Variants in FAM184B observed in about 807,000 individuals in gnomAD.
FAM184B encodes protein FAM184B.
FAM184B carries 111 observed loss-of-function variants against 135.9 expected under a neutral mutation model. That is an observed-to-expected ratio of 0.82 (90% confidence interval 0.70 to 0.96). The LOEUF (loss-of-function observed/expected upper bound fraction) is 0.96. Among genes scored for constraint, FAM184B ranks in the 40% least tolerant of loss-of-function variants. The probability of loss-of-function intolerance (pLI) is 0.00; values close to 1 mark genes in which losing one functional copy is unlikely to be tolerated. For synonymous variants in FAM184B, 552 were observed against 524.8 expected, an observed-to-expected ratio of 1.05 and a Z score of -0.71; for missense variants, 1,375 against 1,323.9, an observed-to-expected ratio of 1.04 and a Z score of -0.60.
chr4:17,743,735 G>A (rs973922935), intron 1 of FAM184B, among the ~76,000 whole-genome samples: 1 of 152,208 alleles, frequency 6.6e-6, no homozygotes, highest in Non-Finnish European at 1.5e-5. Flanking sequence ...CAGTAGAAGA[G>A]GACTATTTTC....
chr4:17,721,256 C>T (rs1035284529), intron 1 of FAM184B, among the ~76,000 whole-genome samples: 3 of 151,560 alleles, frequency 2.0e-5, no homozygotes, highest in Non-Finnish European at 4.4e-5. Flanking sequence ...TAGTGGCGGA[C>T]GCCTGTAGTC....
At chr4:17,721,275 T>G (rs2108972387) in intron 1 of FAM184B, among the ~76,000 whole-genome samples, 1 of 149,330 alleles carries the variant, frequency 6.7e-6, no homozygotes. Flanking sequence ...TCCCAGCTAC[T>G]CAGGAGGCTG....
chr4:17,761,542 G>A (rs547512129), intron 1 of FAM184B, among the ~76,000 whole-genome samples: 1 of 152,136 alleles, frequency 6.6e-6, no homozygotes, highest in Admixed American at 6.5e-5. Context: ...GGCCACCAAT[G>A]GCCAACTATA....
At chr4:17,675,789 A>G (rs1477631797) in intron 7 of FAM184B, among the ~76,000 whole-genome samples, 4 of 152,090 alleles carry the variant, frequency 2.6e-5, no homozygotes, top group Non-Finnish European at 4.4e-5. Context: ...TCATGAAACA[A>G]CCTCTGCTAG....
chr4:17,764,711 T>A (rs959710446), intron 1 of FAM184B, among the ~76,000 whole-genome samples: 1 of 149,956 alleles, frequency 6.7e-6, no homozygotes, highest in Non-Finnish European at 1.5e-5. Flanking sequence ...AAAGTAAAGA[T>A]CCTTGATCAT....
At chr4:17,774,999 T>C (rs901150316) in intron 1 of FAM184B, among the ~76,000 whole-genome samples, 1 of 134,212 alleles carries the variant, frequency 7.5e-6, no homozygotes, top group African/African-American at 2.8e-5. Flanking sequence ...TTTCTTTTTT[T>C]TTTTTTTTTT....
chr4:17,702,659 G>A (rs770220278), intron 5 of FAM184B, among the ~76,000 whole-genome samples: 3 of 152,104 alleles, frequency 2.0e-5, no homozygotes, highest in South Asian at 2.1e-4. Flanking sequence ...TCTTGGAAAC[G>A]AACAAAATGT....
chr4:17,715,632 A>C (rs928663559), intron 1 of FAM184B, among the ~76,000 whole-genome samples: 3 of 152,240 alleles, frequency 2.0e-5, no homozygotes, highest in Non-Finnish European at 4.4e-5. Flanking sequence ...CTAAGAGAGC[A>C]GATTTTAAGT....
rs964030719 is a variant in FAM184B at position 17,659,954 on chromosome 4, C to T, written c.1824+4G>A. 1.3e-6 allele frequency: 2 copies of T among 1,550,466 alleles called. No individual in the cohort carries two copies. Among genetic ancestry groups the T allele is most frequent in the Non-Finnish European group, 8.7e-7 (1 of 1,146,916 alleles). ...GGGGCACATCCCCACCAGGGTTGTC[C>T]TACCTGGGCTTGCAATTTGGCCTTC... is the stretch of plus-strand genomic sequence containing the variant. On this transcript the variant is annotated splice_donor_region_variant and intron_variant, in intron 9 of 17. Coordinates refer to ENST00000265018, the MANE Select transcript of FAM184B (RefSeq NM_015688.2).
chr4:17,678,036 C>T (rs1363621378), intron 7 of FAM184B, among the ~76,000 whole-genome samples: 2 of 152,130 alleles, frequency 1.3e-5, no homozygotes, highest in African/African-American at 4.8e-5. Context: ...TAATAAAAGC[C>T]ATCTATGGCA....
intron 12 of FAM184B, 72 bp from the exon 13 acceptor site, chr4:17,642,300 T>G: frequency 7.2e-7 from 1 of 1,391,060 alleles, no homozygotes; most frequent in Non-Finnish European, 9.3e-7. Context: ...GCCAGAGATG[T>G]GCTGCGGCGA....
At chr4:17,667,908 C>G (rs1716091610) in intron 7 of FAM184B, among the ~76,000 whole-genome samples, 1 of 152,188 alleles carries the variant, frequency 6.6e-6, no homozygotes, top group Non-Finnish European at 1.5e-5. Context: ...GCTCCTTTAG[C>G]TCTTGCTGGT....
At chr4:17,657,108 T>C (rs1412331267) in intron 10 of FAM184B, among the ~76,000 whole-genome samples, 3 of 152,242 alleles carry the variant, frequency 2.0e-5, no homozygotes, top group Non-Finnish European at 4.4e-5. Context: ...ATTATTATGA[T>C]TGAACTTCTG....
Position 17,659,108 on chromosome 4 carries a change from CTT to C in FAM184B, c.1825-548_1825-547del, listed in dbSNP as rs111265251. 5.3e-3 allele frequency among the ~76,000 whole-genome samples: 757 copies of C among 142,738 alleles called. 2 individuals are homozygous for C. The highest frequency in any genetic ancestry group is 0.017 in the African/African-American group (679 of 38,944). 93.6% of individuals were successfully genotyped at this position (142,738 alleles called of 152,430 possible). ...ATACATATCATTATATATAAAATAT[CTT>C]TTTTTTTTTTTTTGAGACAGGGTCT... On this transcript the variant is annotated intron_variant, in intron 9 of 17. Transcript: ENST00000265018.
chr4:17,752,144 A>G (rs1718309577), intron 1 of FAM184B, among the ~76,000 whole-genome samples: 1 of 152,162 alleles, frequency 6.6e-6, no homozygotes, highest in Non-Finnish European at 1.5e-5. Flanking sequence ...AGTCTTCAGT[A>G]CTAGTACTTT....
intron 9 of FAM184B, among the ~76,000 whole-genome samples, chr4:17,659,635 C>T (rs1292114410): frequency 2.6e-5 from 4 of 152,160 alleles, no homozygotes; most frequent in South Asian, 2.1e-4. Flanking sequence ...TACAGGCGCC[C>T]GCCACATACC....
chr4:17,636,722 G>A (rs1419259212), intron 14 of FAM184B, 77 bp from the exon 15 acceptor site: 13 of 1,212,820 alleles, frequency 1.1e-5, no homozygotes, highest in East Asian at 5.3e-5. Flanking sequence ...TGCACACGAT[G>A]GGAATGCCAT....
intron 1 of FAM184B, among the ~76,000 whole-genome samples, chr4:17,769,801 T>A (rs1469567548): frequency 6.6e-6 from 1 of 152,142 alleles, no homozygotes; most frequent in African/African-American, 2.4e-5. Context: ...ACTTGATGGG[T>A]GCCCACCACT....
intron 7 of FAM184B, among the ~76,000 whole-genome samples, chr4:17,670,880 A>G (rs1716155944): frequency 6.6e-6 from 1 of 152,150 alleles, no homozygotes; most frequent in African/African-American, 2.4e-5. Flanking sequence ...TGTTAACCTG[A>G]TTGTCACCTA....
Sources: allele counts gnomAD v4.1 joint callset (sites outside exome capture counted in the v4.1 genomes callset), GRCh38; gene constraint gnomAD v4.1.1; transcripts MANE v1.5; gene names NCBI Gene and HGNC (gene_info 2026-07-23, HGNC 2026-07-21).